LHX8: variants seen among roughly 807,000 people sequenced by gnomAD.
The protein encoded by LHX8 is LIM homeobox 8, also known as LIM/homeobox protein Lhx8.
Under a neutral mutation model 40.3 loss-of-function variants are expected in LHX8, and 12 were observed. That is an observed-to-expected ratio of 0.30 (90% confidence interval 0.19 to 0.48). LHX8 has a LOEUF of 0.48. LHX8 is among the 20% of genes least tolerant of loss of function. The probability of loss-of-function intolerance (pLI) is 0.99; values close to 1 mark genes in which losing one functional copy is unlikely to be tolerated. For missense variants in LHX8, 344 were observed against 433.7 expected (o/e 0.79, Z 1.84); for synonymous variants, 179 against 162.0 (o/e 1.10, Z -0.80).
At chr1:75,190,208 A>C in the LHX8 span, among the ~76,000 whole-genome samples, 1 of 152,184 alleles carries the variant, frequency 6.6e-6, no homozygotes, top group Non-Finnish European at 1.5e-5. Context: ...GAAACGATAG[A>C]GTGTAGACGG....
intron 6 of LHX8, among the ~76,000 whole-genome samples, chr1:75,146,677 A>G (rs1318446615): frequency 6.6e-6 from 1 of 152,170 alleles, no homozygotes; most frequent in Non-Finnish European, 1.5e-5. Context: ...TAGTGAAACT[A>G]AGTAGAAATT....
the LHX8 span, among the ~76,000 whole-genome samples, chr1:75,174,944 G>A: frequency 6.6e-6 from 1 of 152,066 alleles, no homozygotes; most frequent in East Asian, 1.9e-4. Flanking sequence ...CCCAATGTGT[G>A]GTTTTTATCC....
the LHX8 span, among the ~76,000 whole-genome samples, chr1:75,171,112 C>T: frequency 0.011 from 1,627 of 152,204 alleles, 35 homozygotes; most frequent in African/African-American, 0.037. Flanking sequence ...ACTTAAGGCA[C>T]GCTCAGAGCT....
the LHX8 span, among the ~76,000 whole-genome samples, chr1:75,184,313 A>C: frequency 6.6e-6 from 1 of 152,238 alleles, no homozygotes; most frequent in African/African-American, 2.4e-5. Context: ...ACAACAGAAT[A>C]TACATTCTTC....
At chr1:75,177,395 T>C in the LHX8 span, among the ~76,000 whole-genome samples, 2 of 152,220 alleles carry the variant, frequency 1.3e-5, no homozygotes, top group Non-Finnish European at 2.9e-5. Flanking sequence ...TTCACATCCC[T>C]TGTAAGTTGG....
the LHX8 span, among the ~76,000 whole-genome samples, chr1:75,167,096 T>G: frequency 6.6e-6 from 1 of 152,180 alleles, no homozygotes; most frequent in Non-Finnish European, 1.5e-5. Context: ...TTTATTCTGC[T>G]CTGTCATGGA....
At chr1:75,177,353 T>G in the LHX8 span, among the ~76,000 whole-genome samples, 23 of 152,068 alleles carry the variant, frequency 1.5e-4, no homozygotes, top group Admixed American at 9.2e-4. Flanking sequence ...ATTTCGTTGA[T>G]CAGTGGTTTG....
upstream of LHX8, chr1:75,129,900 G>A (rs922032159): frequency 1.4e-5 from 2 of 142,840 alleles, no homozygotes; most frequent in Admixed American, 7.0e-5. Flanking sequence ...GTAGAGAGTT[G>A]GATTCTCTCT....
At chr1:75,157,521 A>G (rs1389644147) in intron 8 of LHX8, among the ~76,000 whole-genome samples, 1 of 152,248 alleles carries the variant, frequency 6.6e-6, no homozygotes, top group East Asian at 1.9e-4. Context: ...AATTAATAAA[A>G]TGAATGTATC....
At chr1:75,173,563 T>C in the LHX8 span, among the ~76,000 whole-genome samples, 4 of 151,740 alleles carry the variant, frequency 2.6e-5, no homozygotes, top group African/African-American at 9.7e-5. Context: ...TTTGTATTTT[T>C]AGTAGAGACG....
At chr1:75,141,974 A>G (rs191261447) in intron 4 of LHX8, among the ~76,000 whole-genome samples, 2 of 152,272 alleles carry the variant, frequency 1.3e-5, no homozygotes, top group African/African-American at 2.4e-5. Flanking sequence ...AACTTAAAGT[A>G]ATTTATGAGA....
chr1:75,140,314 AT>A lies in LHX8; in HGVS notation c.238-664del, dbSNP rs563552805. ...TTTAGAACCACTTATGATTAGATTT[AT>A]TTTTTTCTCCTGTAGCCAAATCAGT... On this transcript the variant is annotated intron_variant, in intron 3 of 8. Coordinates refer to ENST00000356261, the MANE Select transcript of LHX8 (RefSeq NM_001256114.2). 4.0e-3 allele frequency among the ~76,000 whole-genome samples: 605 copies of A among 152,172 alleles called. 5 individuals are homozygous for A. The highest frequency in any genetic ancestry group is 0.023 in the Admixed American group (344 of 15,276).
intron 3 of LHX8, among the ~76,000 whole-genome samples, chr1:75,137,888 C>A (rs563421023): frequency 7.2e-5 from 11 of 152,276 alleles, no homozygotes; most frequent in Admixed American, 7.2e-4. Context: ...TAAATAAAAA[C>A]CATTTCAATA....
At chr1:75,133,072 G>A (rs2100324950), upstream of LHX8, 1 of 152,314 alleles carries the variant, frequency 6.6e-6, no homozygotes, top group East Asian at 1.9e-4. Flanking sequence ...AATTTTCTAA[G>A]AGGGCACAGA....
chr1:75,167,737 T>C, the LHX8 span, among the ~76,000 whole-genome samples: 1 of 152,220 alleles, frequency 6.6e-6, no homozygotes, highest in Admixed American at 6.5e-5. Flanking sequence ...GCACAGGGCA[T>C]TGACAGAGCA....
chr1:75,167,529 TATC>T, the LHX8 span, among the ~76,000 whole-genome samples: 1 of 152,134 alleles, frequency 6.6e-6, no homozygotes, highest in African/African-American at 2.4e-5. Flanking sequence ...CAAGCTCAAA[TATC>T]ATCCCCTCCA....
chr1:75,194,826 T>C, the LHX8 span, among the ~76,000 whole-genome samples: 4 of 152,208 alleles, frequency 2.6e-5, no homozygotes, highest in African/African-American at 7.2e-5. Flanking sequence ...CTGCCTCTCC[T>C]AAGAAATTTC....
upstream of LHX8, chr1:75,131,506 A>G (rs1647960203): frequency 6.6e-6 from 1 of 152,488 alleles, no homozygotes; most frequent in Non-Finnish European, 1.5e-5. Flanking sequence ...CTGCAGTGCG[A>G]GCTGAGTGTG....
the LHX8 span, among the ~76,000 whole-genome samples, chr1:75,185,495 C>T: frequency 6.6e-6 from 1 of 151,938 alleles, no homozygotes; most frequent in South Asian, 2.1e-4. Flanking sequence ...GAACTGAAGG[C>T]AAAACACATA....
Sources: gnomAD v4.1 joint callset for allele counts (sites outside exome capture counted in the v4.1 genomes callset) on GRCh38, gnomAD v4.1.1 for gene constraint, MANE v1.5 for transcripts, NCBI Gene and HGNC (gene_info 2026-07-23, HGNC 2026-07-21) for gene names.